ERC2: variants seen among roughly 807,000 people sequenced by gnomAD.
ERC2 encodes the protein ELKS/RAB6-interacting/CAST family member 2.
In ERC2, 42 loss-of-function variants were observed where a neutral mutation model predicts 114.8. The ratio of observed to expected loss-of-function variants is 0.37; its 90% confidence interval spans 0.29 to 0.47. The LOEUF is 0.47. Among genes scored for constraint, ERC2 ranks in the 20% least tolerant of loss-of-function variants. The pLI, the probability that ERC2 is intolerant of heterozygous loss-of-function variation, is 0.99. For missense variants in ERC2, 939 were observed against 1,150.7 expected, an observed-to-expected ratio of 0.82 and a Z score of 2.66; for synonymous variants, 454 against 425.5, an observed-to-expected ratio of 1.07 and a Z score of -0.82.
chr3:55,545,190 C>A lies in ERC2; in HGVS notation c.*40-33914G>T, dbSNP rs371471393. ...CCCATTCTCCATCCTCACTCCACCA[C>A]GGCCACATCTCTCTTCTAGATTCTT... On this transcript the variant is annotated intron_variant, in intron 17 of 17. Coordinates refer to ENST00000288221, the MANE Select transcript of ERC2 (RefSeq NM_015576.3). Among the ~76,000 whole-genome samples the A allele has an allele frequency of 3.9e-5, 6 of 152,330 alleles. No homozygotes were observed. In the East Asian group the frequency reaches 1.2e-3, roughly 29 times the overall value.
chr3:55,982,204 C>T (rs557971990), intron 12 of ERC2, among the ~76,000 whole-genome samples: 5 of 152,174 alleles, frequency 3.3e-5, no homozygotes, highest in South Asian at 4.2e-4. Flanking sequence ...TTCAGAAAAC[C>T]GAGGATTGAA....
chr3:56,442,633 T>C (rs2062371704), intron 1 of ERC2, among the ~76,000 whole-genome samples: 1 of 152,220 alleles, frequency 6.6e-6, no homozygotes, highest in African/African-American at 2.4e-5. Flanking sequence ...GGTTTTCGTT[T>C]TAACCCAAGA....
chr3:56,401,677 G>A (rs2060524409), intron 2 of ERC2, among the ~76,000 whole-genome samples: 1 of 152,142 alleles, frequency 6.6e-6, no homozygotes. Flanking sequence ...AATAGCTGCT[G>A]GGCAAAGGTG....
chr3:56,110,807 C>T (rs73091211), intron 6 of ERC2, among the ~76,000 whole-genome samples: 9,790 of 152,170 alleles, frequency 0.064, 427 homozygotes, highest in Non-Finnish European at 0.099. Flanking sequence ...TTCTACATAT[C>T]TAAATGGATA....
chr3:55,692,098 G>A (rs2062699262), intron 16 of ERC2, among the ~76,000 whole-genome samples: 1 of 152,160 alleles, frequency 6.6e-6, no homozygotes, highest in African/African-American at 2.4e-5. Flanking sequence ...ATCTTCTGGG[G>A]GCAACAGAGC....
intron 14 of ERC2, among the ~76,000 whole-genome samples, chr3:55,857,369 T>TCTATCC (rs1364886515): frequency 6.6e-6 from 1 of 152,128 alleles, no homozygotes; most frequent in African/African-American, 2.4e-5. Context: ...TCTGTCTTTG[T>TCTATCC]CTCTCCCTCT....
chr3:56,421,291 T>C (rs541456313), intron 2 of ERC2, among the ~76,000 whole-genome samples: 11 of 152,348 alleles, frequency 7.2e-5, no homozygotes, highest in Admixed American at 2.0e-4. Flanking sequence ...TAACTATGTG[T>C]TGCACAAGCA....
chr3:56,214,204 G>A (rs1361086265), intron 3 of ERC2, among the ~76,000 whole-genome samples: 3 of 152,196 alleles, frequency 2.0e-5, no homozygotes, highest in Non-Finnish European at 4.4e-5. Flanking sequence ...CGAGCTAAAG[G>A]AGGAAGTTCG....
intron 7 of ERC2, among the ~76,000 whole-genome samples, chr3:56,040,648 GTA>G (rs1195677052): frequency 8.7e-5 from 3 of 34,600 alleles, no homozygotes; most frequent in African/African-American, 3.7e-4. Flanking sequence ...ATATATAGAT[GTA>G]TATGTATATA....
chr3:56,107,548 C>T (rs1165001488), intron 6 of ERC2, among the ~76,000 whole-genome samples: 1 of 152,138 alleles, frequency 6.6e-6, no homozygotes, highest in Non-Finnish European at 1.5e-5. Flanking sequence ...AAGACCCTGT[C>T]CACCTCTGAT....
intron 2 of ERC2, among the ~76,000 whole-genome samples, chr3:56,380,964 C>A (rs2059726153): frequency 6.6e-6 from 1 of 152,142 alleles, no homozygotes; most frequent in South Asian, 2.1e-4. Flanking sequence ...GGGACAACTG[C>A]AGAAGAAAAG....
At chr3:56,324,863 G>C (rs1285843294) in intron 2 of ERC2, among the ~76,000 whole-genome samples, 1 of 151,838 alleles carries the variant, frequency 6.6e-6, no homozygotes, top group Non-Finnish European at 1.5e-5. Flanking sequence ...TCATGCCAAG[G>C]ACACTCTTGC....
At chr3:55,996,440 A>T (rs2071516875) in intron 10 of ERC2, among the ~76,000 whole-genome samples, 1 of 152,198 alleles carries the variant, frequency 6.6e-6, no homozygotes, top group African/African-American at 2.4e-5. Flanking sequence ...TCCACTGATT[A>T]AACAGGTCAG....
intron 15 of ERC2, among the ~76,000 whole-genome samples, chr3:55,732,256 C>T (rs1194969449): frequency 2.0e-5 from 3 of 152,136 alleles, no homozygotes; most frequent in Non-Finnish European, 4.4e-5. Flanking sequence ...TTTGATAGCA[C>T]ATTAATCATT....
chr3:55,906,659 A>G (rs1169049200), intron 13 of ERC2, among the ~76,000 whole-genome samples: 1 of 152,206 alleles, frequency 6.6e-6, no homozygotes, highest in African/African-American at 2.4e-5. Context: ...GCTTCACACA[A>G]TATTGCCCAC....
chr3:56,438,361 C>T (rs1307057124), intron 1 of ERC2, among the ~76,000 whole-genome samples: 1 of 152,142 alleles, frequency 6.6e-6, no homozygotes, highest in Non-Finnish European at 1.5e-5. Flanking sequence ...TACATTTCTT[C>T]CCTGCTATAT....
chr3:55,918,844 C>CA (rs1178084940), intron 13 of ERC2, among the ~76,000 whole-genome samples: 1 of 150,848 alleles, frequency 6.6e-6, no homozygotes, highest in Non-Finnish European at 1.5e-5. Flanking sequence ...GCTAAAGAAT[C>CA]ATGCCAAAAC....
intron 17 of ERC2, among the ~76,000 whole-genome samples, chr3:55,551,518 G>A (rs983904378): frequency 6.6e-5 from 10 of 151,952 alleles, no homozygotes; most frequent in Admixed American, 1.3e-4. Flanking sequence ...GTGCGATTCC[G>A]TCTCAAAAAA....
chr3:56,198,393 C>A (rs565460439), intron 3 of ERC2, among the ~76,000 whole-genome samples: 7 of 152,288 alleles, frequency 4.6e-5, no homozygotes, highest in African/African-American at 1.2e-4. Flanking sequence ...ATGTGCATTT[C>A]AGATGGATAC....
Sources: gnomAD v4.1 joint callset for allele counts (sites outside exome capture counted in the v4.1 genomes callset) on GRCh38, gnomAD v4.1.1 for gene constraint, MANE v1.5 for transcripts, NCBI Gene and HGNC (gene_info 2026-07-23, HGNC 2026-07-21) for gene names.